Variants in POU2F3 observed in about 807,000 individuals in gnomAD.
POU2F3 encodes POU class 2 homeobox 3, also known as POU domain, class 2, transcription factor 3.
In POU2F3, 23 loss-of-function variants were observed where a neutral mutation model predicts 59.2. The ratio of observed to expected loss-of-function variants is 0.39; its 90% CI spans 0.28 to 0.55. The LOEUF (loss-of-function observed/expected upper bound fraction) is 0.55, where lower values mean the gene tolerates loss of function less well. POU2F3 is among the 20% of genes least tolerant of loss of function. The pLI is 0.66. For synonymous variants in POU2F3, 190 were observed against 214.6 expected (o/e 0.89, Z 1.00); for missense variants, 473 against 544.5 (o/e 0.87, Z 1.31).
At chr11:120,254,596 C>T (rs1008726040) in intron 2 of POU2F3, among the ~76,000 whole-genome samples, 1 of 152,210 alleles carries the variant, frequency 6.6e-6, no homozygotes, top group Non-Finnish European at 1.5e-5. Context: ...CCCTTCCTCT[C>T]ATCCCCATTC....
intron 9 of POU2F3, among the ~76,000 whole-genome samples, chr11:120,307,824 A>G (rs1265354884): frequency 6.6e-6 from 1 of 151,910 alleles, no homozygotes; most frequent in Non-Finnish European, 1.5e-5. Flanking sequence ...CTCCTCCTCC[A>G]CTGACCCTTC....
chr11:120,275,241 G>C (rs1940270740), intron 3 of POU2F3, among the ~76,000 whole-genome samples: 1 of 152,112 alleles, frequency 6.6e-6, no homozygotes, highest in Non-Finnish European at 1.5e-5. Context: ...GGAAAGCTAG[G>C]AAAGGCAGTG....
chr11:120,270,531 G>A (rs1360793432), intron 3 of POU2F3, among the ~76,000 whole-genome samples: 1 of 152,172 alleles, frequency 6.6e-6, no homozygotes, highest in Non-Finnish European at 1.5e-5. Flanking sequence ...TAGAAAGGGA[G>A]ATGGCAAGAA....
At chr11:120,307,727 G>T in intron 9 of POU2F3, 112 bp downstream of exon 9, 1 of 1,382,532 alleles carries the variant, frequency 7.2e-7, no homozygotes, top group Non-Finnish European at 9.9e-7. Flanking sequence ...CCTGCTCTGG[G>T]ACACGATCAG....
intron 3 of POU2F3, among the ~76,000 whole-genome samples, chr11:120,295,335 C>T (rs1489690854): frequency 6.6e-6 from 1 of 152,184 alleles, no homozygotes; most frequent in Non-Finnish European, 1.5e-5. Flanking sequence ...CCACTTGCCT[C>T]CAAGATGGAA....
At chr11:120,293,011 G>C (rs1045332655) in intron 3 of POU2F3, among the ~76,000 whole-genome samples, 4 of 152,206 alleles carry the variant, frequency 2.6e-5, no homozygotes, top group African/African-American at 9.7e-5. Context: ...TTCCAGAGTA[G>C]GCACAAGCAG....
chr11:120,237,028 G>T (rs190926875), upstream of POU2F3, among the ~76,000 whole-genome samples: 1 of 152,312 alleles, frequency 6.6e-6, no homozygotes. Flanking sequence ...AGAAGGGGAA[G>T]CTCAGATTCA....
At chr11:120,290,333 G>T (rs967662984) in intron 3 of POU2F3, among the ~76,000 whole-genome samples, 3 of 152,196 alleles carry the variant, frequency 2.0e-5, no homozygotes, top group Non-Finnish European at 4.4e-5. Flanking sequence ...ACAAATATGT[G>T]TAAAGTCCCA....
At chr11:120,309,162 T>TAC (rs1234255613) in intron 9 of POU2F3, among the ~76,000 whole-genome samples, 2 of 152,114 alleles carry the variant, frequency 1.3e-5, no homozygotes, top group African/African-American at 4.8e-5. Flanking sequence ...CTTGACAGTT[T>TAC]ACACACATTT....
intron 3 of POU2F3, among the ~76,000 whole-genome samples, chr11:120,276,869 C>T (rs1401941178): frequency 1.3e-5 from 2 of 152,000 alleles, no homozygotes; most frequent in Admixed American, 6.5e-5. Context: ...CCCTCCTGGC[C>T]GGGTGCAGTG....
At chr11:120,243,360 C>T (rs191793184) in intron 1 of POU2F3, among the ~76,000 whole-genome samples, 115 of 152,158 alleles carry the variant, frequency 7.6e-4, no homozygotes, top group African/African-American at 2.6e-3. Flanking sequence ...CAGCCTGCAG[C>T]CTGTGGGGAG....
intron 2 of POU2F3, among the ~76,000 whole-genome samples, chr11:120,267,306 T>G (rs1939867745): frequency 2.0e-5 from 3 of 152,098 alleles, no homozygotes; most frequent in African/African-American, 7.2e-5. Context: ...TTTTTGTATT[T>G]TTAGTAGAGG....
chr11:120,296,944 G>A (rs1565381475), intron 3 of POU2F3, among the ~76,000 whole-genome samples: 1 of 152,162 alleles, frequency 6.6e-6, no homozygotes, highest in Non-Finnish European at 1.5e-5. Context: ...CAAGAATTAA[G>A]CACAAGTTTA....
intron 1 of POU2F3, among the ~76,000 whole-genome samples, chr11:120,245,482 G>C (rs1184276792): frequency 6.6e-6 from 1 of 152,142 alleles, no homozygotes; most frequent in Non-Finnish European, 1.5e-5. Flanking sequence ...CCAGAGAAGG[G>C]GGGGTGTGGG....
chr11:120,281,677 C>A (rs528655724), intron 3 of POU2F3, among the ~76,000 whole-genome samples: 1 of 152,262 alleles, frequency 6.6e-6, no homozygotes, highest in East Asian at 1.9e-4. Context: ...ATATTTCCTC[C>A]CGTATACTTC....
upstream of POU2F3, among the ~76,000 whole-genome samples, chr11:120,238,172 G>A (rs1215166701): frequency 3.9e-5 from 6 of 152,082 alleles, no homozygotes; most frequent in African/African-American, 7.2e-5. Context: ...CCTGGGAGGC[G>A]GAGATTGCCG....
At position 120,285,951 on chromosome 11, in the gene POU2F3, C is replaced by T. The variant is rs1222328199; in HGVS notation, c.133-12314C>T. On this transcript the variant is annotated intron_variant, in intron 3 of 12. Coordinates refer to ENST00000543440, the MANE Select transcript of POU2F3 (RefSeq NM_014352.4). This position sits in a 1 kb window ranked among gnomAD's most constrained non-coding sequence, Gnocchi z 4.3. ...AGGCTGGAGTGCAGTGGTGCTATCT[C>T]GGCTCACTGCAACCTCCGCCCCCAG... 1.3e-5 allele frequency among the ~76,000 whole-genome samples: 2 copies of T among 152,066 alleles called. No individual in the cohort carries two copies. The highest frequency in any genetic ancestry group is 2.9e-5 in the Non-Finnish European group (2 of 68,016).
intron 3 of POU2F3, among the ~76,000 whole-genome samples, chr11:120,282,215 CT>C (rs1373137294): frequency 3.3e-5 from 5 of 152,256 alleles, no homozygotes; most frequent in Non-Finnish European, 7.3e-5. Context: ...GAAAGCCATG[CT>C]TTCGGTCTGG....
intron 2 of POU2F3, among the ~76,000 whole-genome samples, chr11:120,262,337 C>A (rs1939635002): frequency 6.6e-6 from 1 of 152,180 alleles, no homozygotes; most frequent in South Asian, 2.1e-4. Flanking sequence ...TTTTCAATAT[C>A]TTTTTATTCT....
Sources: gnomAD v4.1 joint callset for allele counts (sites outside exome capture counted in the v4.1 genomes callset) on GRCh38, gnomAD v4.1.1 for gene constraint, Gnocchi (gnomAD v3.1) non-coding constraint, MANE v1.5 for transcripts, NCBI Gene and HGNC (gene_info 2026-07-23, HGNC 2026-07-21) for gene names.